Variants in CDH22 observed in about 807,000 individuals in gnomAD.
CDH22 encodes the protein cadherin 22.
In CDH22, 30 loss-of-function variants were observed where a neutral mutation model predicts 58.4. That is an observed-to-expected ratio of 0.51 (90% CI 0.38 to 0.70). The LOEUF (loss-of-function observed/expected upper bound fraction) is 0.70, where lower values mean the gene tolerates loss of function less well. Ranked by LOEUF, CDH22 falls within the 30% of genes least tolerant of loss-of-function variation. CDH22 has a pLI of 0.00. For synonymous variants in CDH22, 513 were observed against 558.2 expected (o/e 0.92, Z 1.14); for missense variants, 1,014 against 1,233.9 (o/e 0.82, Z 2.67).
intron 1 of CDH22, among the ~76,000 whole-genome samples, chr20:46,296,329 A>G (rs1175080367): frequency 6.6e-6 from 1 of 152,234 alleles, no homozygotes; most frequent in Non-Finnish European, 1.5e-5. Flanking sequence ...CGTTCATTCC[A>G]GCAAGGGAGG....
At chr20:46,231,603 G>T (rs916401984) in intron 3 of CDH22, among the ~76,000 whole-genome samples, 5 of 152,100 alleles carry the variant, frequency 3.3e-5, no homozygotes, top group Non-Finnish European at 7.4e-5. Flanking sequence ...GGTCTGCCTA[G>T]CCAGCATGCT....
chr20:46,202,781 T>C (rs1377665466), intron 7 of CDH22, among the ~76,000 whole-genome samples: 1 of 152,164 alleles, frequency 6.6e-6, no homozygotes, highest in Non-Finnish European at 1.5e-5. Context: ...CAAAGGAGGT[T>C]GAAGGAGGCT....
At chr20:46,207,103 G>A (rs2086006895) in intron 7 of CDH22, among the ~76,000 whole-genome samples, 1 of 152,194 alleles carries the variant, frequency 6.6e-6, no homozygotes, top group African/African-American at 2.4e-5. Flanking sequence ...TGGCATGGAG[G>A]AGGAGCTGGG....
intron 1 of CDH22, among the ~76,000 whole-genome samples, chr20:46,290,847 G>A (rs558220383): frequency 6.6e-6 from 1 of 152,294 alleles, no homozygotes; most frequent in Non-Finnish European, 1.5e-5. Context: ...GGGTCTATGG[G>A]GGGTGTGTTT....
Position 46,293,928 on chromosome 20 carries a change from T to G in CDH22, c.-400+14327A>C, listed in dbSNP as rs184118956. Among the ~76,000 whole-genome samples, 262 of 152,256 alleles carry G rather than the reference T, an allele frequency of 1.7e-3. 1 individual carries two copies. The highest frequency in any genetic ancestry group is 5.7e-3 in the African/African-American group (236 of 41,550). On this transcript the variant is annotated intron_variant, in intron 1 of 11. Transcript: ENST00000537909. ...TACTCAGGAGGCTGAGGCAGGAGAA[T>G]TGCTTGAACCTGGGAGGCGGAGGTT...
chr20:46,196,916 C>A (rs2085907892), intron 8 of CDH22, among the ~76,000 whole-genome samples: 1 of 152,170 alleles, frequency 6.6e-6, no homozygotes, highest in East Asian at 1.9e-4. Context: ...CAAAACCATT[C>A]CTTTTCCCAT....
intron 1 of CDH22, among the ~76,000 whole-genome samples, chr20:46,298,497 T>G (rs1395023619): frequency 6.6e-6 from 1 of 152,030 alleles, no homozygotes; most frequent in East Asian, 1.9e-4. Context: ...AGAAAGGTGG[T>G]GATACACGTG....
intron 1 of CDH22, among the ~76,000 whole-genome samples, chr20:46,272,703 G>C (rs1342605526): frequency 6.6e-6 from 1 of 152,208 alleles, no homozygotes; most frequent in Non-Finnish European, 1.5e-5. Context: ...CACTAGCAGA[G>C]ATTGTTAGTA....
rs2086085508 is a variant in CDH22 at position 46,216,422 on chromosome 20, C to T, written c.838+404G>A. Reference sequence around the variant, plus strand: ...CTAGATCCCTGGGTGCCCCCTTTCTCCCCAGTACCTTCCCTCTGCAAGCCT... The same window carrying T: ...CTAGATCCCTGGGTGCCCCCTTTCTTCCCAGTACCTTCCCTCTGCAAGCCT... On this transcript the variant is annotated intron_variant, in intron 5 of 11. Transcript: ENST00000537909. The surrounding 1 kb of genome is among the most constrained non-coding windows in gnomAD (Gnocchi z 5.3). Among the ~76,000 whole-genome samples, 1 of 152,220 alleles carries T rather than the reference C, an allele frequency of 6.6e-6. No homozygotes were observed. Among genetic ancestry groups the T allele is most frequent in the Non-Finnish European group, 1.5e-5 (1 of 68,040 alleles).
At chr20:46,281,737 C>T (rs2086551888) in intron 1 of CDH22, among the ~76,000 whole-genome samples, 2 of 152,304 alleles carry the variant, frequency 1.3e-5, no homozygotes, top group Non-Finnish European at 1.5e-5. Context: ...TCTGTCGACC[C>T]ACACCTGGCA....
intron 6 of CDH22, among the ~76,000 whole-genome samples, chr20:46,212,320 T>C (rs1039374821): frequency 2.0e-5 from 3 of 152,178 alleles, no homozygotes; most frequent in African/African-American, 4.8e-5. Flanking sequence ...GCAGGGGACT[T>C]AGACCTCCCA....
intron 1 of CDH22, among the ~76,000 whole-genome samples, chr20:46,253,007 G>T (rs900601375): frequency 1.3e-5 from 2 of 152,218 alleles, no homozygotes; most frequent in African/African-American, 4.8e-5. Flanking sequence ...GAGTGGTCTG[G>T]CCAGTTTGGG....
At chr20:46,238,889 C>A (rs1312186886) in intron 3 of CDH22, among the ~76,000 whole-genome samples, 1 of 152,200 alleles carries the variant, frequency 6.6e-6, no homozygotes, top group Non-Finnish European at 1.5e-5. Flanking sequence ...TTTTTCTGAG[C>A]AAGACCTTCC....
chr20:46,237,252 A>G (rs1280419193), intron 3 of CDH22, among the ~76,000 whole-genome samples: 1 of 152,186 alleles, frequency 6.6e-6, no homozygotes, highest in African/African-American at 2.4e-5. Flanking sequence ...CTCAGGGCCC[A>G]CTTGGCTGCA....
intron 3 of CDH22, among the ~76,000 whole-genome samples, chr20:46,230,091 A>C (rs1033650030): frequency 3.9e-5 from 6 of 152,126 alleles, no homozygotes; most frequent in African/African-American, 1.4e-4. Flanking sequence ...CTTGGGCCAC[A>C]CACCCCCTCC....
chr20:46,225,747 C>T (rs2086166291), intron 4 of CDH22, among the ~76,000 whole-genome samples: 1 of 151,684 alleles, frequency 6.6e-6, no homozygotes, highest in East Asian at 1.9e-4. Context: ...AAGTGGCTAC[C>T]TTTGGGGCTG....
chr20:46,243,463 T>C lies in CDH22; in HGVS notation c.256-2206A>G, dbSNP rs140620224. Among the ~76,000 whole-genome samples, 520 of 152,342 alleles carry C rather than the reference T, an allele frequency of 3.4e-3. 3 individuals carry two copies. Among genetic ancestry groups the C allele is most frequent in the African/African-American group, 0.012 (500 of 41,576 alleles). On this transcript the variant is annotated intron_variant, in intron 2 of 11. Coordinates refer to ENST00000537909, the MANE Select transcript of CDH22 (RefSeq NM_021248.3). ...TATAGATTGCCCCAATTAATGCCCGTCCTGGGCTCCACTGAGAAGCCTTCT... is the reference window on the plus strand; with the variant it reads ...TATAGATTGCCCCAATTAATGCCCGCCCTGGGCTCCACTGAGAAGCCTTCT...
chr20:46,176,367 GAA>G (rs1369225297), intron 11 of CDH22, among the ~76,000 whole-genome samples: 1 of 152,098 alleles, frequency 6.6e-6, no homozygotes, highest in Non-Finnish European at 1.5e-5. Context: ...GTTCAAAGGT[GAA>G]ATACTAATCT....
chr20:46,197,317 T>TAC (rs1555801325), intron 8 of CDH22, among the ~76,000 whole-genome samples: 4,929 of 148,290 alleles, frequency 0.033, 348 homozygotes, highest in East Asian at 0.28. Flanking sequence ...TATATATATA[T>TAC]ACATATGAAG....
Sources: allele counts gnomAD v4.1 joint callset (sites outside exome capture counted in the v4.1 genomes callset), GRCh38; gene constraint gnomAD v4.1.1; non-coding constraint Gnocchi (gnomAD v3.1); transcripts MANE v1.5; gene names NCBI Gene and HGNC (gene_info 2026-07-23, HGNC 2026-07-21).